The following ZNF302 variants were observed in gnomAD, a reference collection of about 807,000 sequenced individuals.
ZNF302 encodes zinc finger protein 302, also known as zinc finger protein 327.
In ZNF302, 12 loss-of-function variants were observed where a neutral mutation model predicts 10.8. The ratio of observed to expected loss-of-function variants is 1.11; its 90% CI spans 0.71 to 1.79. The LOEUF (loss-of-function observed/expected upper bound fraction) is 1.79, where lower values mean the gene tolerates loss of function less well. Among genes scored for constraint, ZNF302 ranks in the 40% most tolerant of loss-of-function variants. The pLI, the probability that ZNF302 is intolerant of heterozygous loss-of-function variation, is 0.00. For synonymous variants in ZNF302, 178 were observed against 157.5 expected (o/e 1.13, Z -0.98); for missense variants, 461 against 471.1 (o/e 0.98, Z 0.20).
chr19:34,678,685 A>G (rs1031884025), intron 1 of ZNF302, 52 bp from the exon 2 acceptor site: 2 of 1,136,030 alleles, frequency 1.8e-6, no homozygotes, highest in African/African-American at 1.5e-5. Context: ...AGGTGCCGCA[A>G]GATAAGCCCG....
chr19:34,684,152 A>G, intron 4 of ZNF302, 100 bp from the exon 5 acceptor site: 1 of 1,103,886 alleles, frequency 9.1e-7, no homozygotes, highest in Admixed American at 3.6e-5. Flanking sequence ...ATTCCACTGT[A>G]GAAGCTTTTT....
chr19:34,684,435 C>T lies in ZNF302; in HGVS notation c.398C>T (p.Thr133Ile), dbSNP rs577318330. 2 of 1,613,176 alleles carry T rather than the reference C, an allele frequency of 1.2e-6. No homozygotes were observed. Among genetic ancestry groups the T allele is most frequent in the African/African-American group, 1.3e-5 (1 of 74,978 alleles). Residue 133 changes from threonine (T) to isoleucine (I), a missense_variant, in exon 5 of 5, where the codon ACT (threonine) becomes ATT (isoleucine). Transcript: ENST00000505242. Reference protein sequence around the residue: ...TFRSTFHSKSTLSEPQNNSAE... With the variant: ...TFRSTFHSKSILSEPQNNSAE... ...AGAAGCACCTTTCATTCAAAGTCTA[C>T]TCTTTCTGAACCACAAAACAATTCT...
At position 34,683,832 on chromosome 19, in the gene ZNF302, T is replaced by C. The variant is rs187744696; in HGVS notation, c.215-420T>C. Among the ~76,000 whole-genome samples the C allele has an allele frequency of 4.6e-3, 693 of 152,172 alleles. 4 individuals carry two copies. Among genetic ancestry groups the C allele is most frequent in the African/African-American group, 0.016 (671 of 41,520 alleles). On this transcript the variant is annotated intron_variant, in intron 4 of 4. Transcript: ENST00000505242. Reference sequence around the variant, plus strand: ...TTAAGCTTGATAATCCAGCAGCAAATTGAGATTAATGGAAGGTTGGAAAAA... The same window carrying C: ...TTAAGCTTGATAATCCAGCAGCAAACTGAGATTAATGGAAGGTTGGAAAAA...
At position 34,684,924 on chromosome 19, in the gene ZNF302, G is replaced by C. The variant is rs368494709; in HGVS notation, c.887G>C (p.Arg296Pro). ...ATGAACTGTGGAAAGTCTTTTAGTC[G>C]TGTGTCCCTTCTCATTCAGCATCTA... is the stretch of plus-strand genomic sequence containing the variant. ...ECMNCGKSFS[R>P]VSLLIQHLRI... The change falls in exon 5 of 5, where the codon CGT becomes CCT. Residue 296 changes from arginine to proline, a missense_variant. Physicochemically the swap from Arg to Pro is moderately radical, Grantham distance 103. Coordinates refer to ENST00000505242, the MANE Select transcript of ZNF302 (RefSeq NM_001289187.2). The C allele has an allele frequency of 1.2e-6, 2 of 1,613,956 alleles. No individual in the cohort carries two copies. Among genetic ancestry groups the C allele is most frequent in the East Asian group, 4.5e-5 (2 of 44,878 alleles).
intron 4 of ZNF302, 143 bp downstream of exon 4, chr19:34,683,381 T>C: frequency 1.1e-6 from 1 of 927,726 alleles, no homozygotes; most frequent in East Asian, 2.6e-5. Flanking sequence ...TTAGCTTAGA[T>C]TTTCAAAACA....
chr19:34,680,434 T>A (rs2068282030), intron 2 of ZNF302, among the ~76,000 whole-genome samples: 1 of 152,236 alleles, frequency 6.6e-6, no homozygotes, highest in Non-Finnish European at 1.5e-5. Context: ...AACTGTGGCT[T>A]AAGCAATGGA....
rs2068636110 is a variant in ZNF302 at position 34,685,945 on chromosome 19, G to C, written c.*708G>C. On this transcript the variant is annotated 3_prime_UTR_variant, in exon 5 of 5. Coordinates refer to ENST00000505242, the MANE Select transcript of ZNF302 (RefSeq NM_001289187.2). ...TCCTGCAAACTCCTACAGGAGAAAA[G>C]TTGTATGAATGTGGAAACTTTAGAA... The C allele has an allele frequency of 1.8e-5, 3 of 162,964 alleles. No individual in the cohort carries two copies. Among genetic ancestry groups the C allele is most frequent in the Non-Finnish European group, 4.0e-5 (3 of 75,206 alleles). 10.1% of individuals were successfully genotyped at this position (162,964 alleles called of 1,614,324 possible).
intron 2 of ZNF302, chr19:34,679,825 T>C (rs113390534): frequency 0.021 from 14,618 of 702,414 alleles, 329 homozygotes; most frequent in South Asian, 0.074. Context: ...TTGACTGTTA[T>C]AGCGTCAGTA....
rs201849163 is a variant in ZNF302, at chr19:34,685,077, G to A, written c.1040G>A (p.Gly347Glu). The A allele has an allele frequency of 4.4e-4, 715 of 1,612,870 alleles. No individual in the cohort carries two copies. The highest frequency in any genetic ancestry group is 5.6e-4 in the Non-Finnish European group (666 of 1,179,626). The change falls in exon 5 of 5, where the codon GGG becomes GAG. Residue 347 changes from glycine (G) to glutamate (E), a missense_variant. Gly to Glu is a moderately conservative substitution (Grantham distance 98). Transcript: ENST00000505242. ...GEKPYECRECGKAFCCSSHLT... is the reference protein window; with the variant it reads ...GEKPYECRECEKAFCCSSHLT... ...AAGCCTTATGAATGTAGAGAATGTG[G>A]GAAAGCTTTCTGCTGTAGCTCACAC...
upstream of ZNF302, chr19:34,676,636 G>A (rs1006575085): frequency 6.6e-6 from 1 of 152,116 alleles, no homozygotes; most frequent in African/African-American, 2.4e-5. Context: ...TCTTGCGTGA[G>A]CTCTAAGAAC....
In ZNF302 at chr19:34,686,292, G is replaced by C. The variant is rs2068649930; in HGVS notation, c.*1055G>C. On this transcript the variant is annotated 3_prime_UTR_variant, in exon 5 of 5. Transcript: ENST00000505242. The stretch of plus-strand genomic sequence containing the variant: ...GCATGTGAAGATATTTAGTCACCCA[G>C]AGGAGCCAGTAAATGTTATAATGTT... 2 of 152,156 alleles carry C rather than the reference G, an allele frequency of 1.3e-5. No homozygotes were observed. The highest frequency in any genetic ancestry group is 4.8e-5 in the African/African-American group (2 of 41,432). The allele number at this position is 152,156 out of a possible 1,614,324, so 9.4% of individuals were successfully genotyped here.
upstream of ZNF302, chr19:34,677,279 G>A (rs547999837): frequency 2.6e-5 from 4 of 152,116 alleles, no homozygotes; most frequent in Admixed American, 2.0e-4. Context: ...GGCTGCCCAT[G>A]TCTCGGAGGG....
intron 4 of ZNF302, chr19:34,683,883 T>G: frequency 2.1e-6 from 2 of 964,054 alleles, no homozygotes; most frequent in Non-Finnish European, 2.7e-6. Context: ...AATGCAACCT[T>G]TCCCACATGA....
chr19:34,685,111 A>G lies in ZNF302; in HGVS notation c.1074A>G (p.Gln358=). The change falls in exon 5 of 5, where the codon CAA becomes CAG. Residue 358 remains glutamine, a synonymous_variant. Transcript: ENST00000505242. ...KAFCCSSHLT[Q]HQRIHSMKKK... ...TCTGCTGTAGCTCACACCTTACTCA[A>G]CATCAAAGAATTCACAGTATGAAGA... is the stretch of plus-strand genomic sequence containing the variant. 4 of 1,612,630 alleles carry G rather than the reference A, an allele frequency of 2.5e-6. No individual in the cohort carries two copies. Among genetic ancestry groups the G allele is most frequent in the Non-Finnish European group, 3.4e-6 (4 of 1,179,594 alleles).
chr19:34,676,249 TTCTCC>T (rs1173853249), upstream of ZNF302: 1 of 152,178 alleles, frequency 6.6e-6, no homozygotes, highest in Non-Finnish European at 1.5e-5. Context: ...TACAGAAAAG[TTCTCC>T]AAGGCCCCAC....
upstream of ZNF302, chr19:34,677,544 G>T (rs1005533153): frequency 6.6e-6 from 1 of 152,286 alleles, no homozygotes; most frequent in Non-Finnish European, 1.5e-5. Flanking sequence ...TGCCCGCGGC[G>T]CACCAGGTCC....
intron 1 of ZNF302, 92 bp from the exon 2 acceptor site, chr19:34,678,645 C>T: frequency 1.5e-6 from 1 of 679,602 alleles, no homozygotes; most frequent in Admixed American, 2.5e-5. Flanking sequence ...CGAGTGATTA[C>T]CAGTGTGCTT....
intron 2 of ZNF302, chr19:34,679,919 A>G: frequency 1.4e-6 from 1 of 703,080 alleles, no homozygotes; most frequent in Non-Finnish European, 2.6e-6. Context: ...CTGGTGGGGC[A>G]GAATCATGGC....
chr19:34,682,725 TG>T (rs2068419754), intron 2 of ZNF302, 51 bp from the exon 3 acceptor site: 1 of 1,601,966 alleles, frequency 6.2e-7, no homozygotes, highest in Non-Finnish European at 8.5e-7. Flanking sequence ...CCTTCTTCAG[TG>T]ACAGAAGAGG....
Sources: allele counts gnomAD v4.1 joint callset (sites outside exome capture counted in the v4.1 genomes callset), GRCh38; gene constraint gnomAD v4.1.1; transcripts MANE v1.5; gene names NCBI Gene and HGNC (gene_info 2026-07-23, HGNC 2026-07-21).